Variants in KCNQ1OT1 observed in about 807,000 individuals in gnomAD.
KCNQ1OT1 encodes the protein KCNQ1 antisense RNA 2 (non-protein coding).
chr11:2,663,610 C>A lies in KCNQ1OT1; in HGVS notation n.36385G>T. On this transcript the variant is annotated non_coding_transcript_exon_variant, in exon 1 of 1. Coordinates refer to ENST00000597346, the Ensembl canonical transcript of KCNQ1OT1. This position sits in a 1 kb window ranked among gnomAD's most constrained non-coding sequence, Gnocchi z 5.2. The stretch of plus-strand genomic sequence containing the variant: ...TCTCGCTCACCTTGGTTCTCTTGGT[C>A]ACGGACCAGCATCCAGACATGCAAA... The A allele has an allele frequency of 2.5e-6, 1 of 398,586 alleles. No individual in the cohort carries two copies. The highest frequency in any genetic ancestry group is 1.3e-4 in the South Asian group (1 of 7,734). The allele number at this position is 398,586 out of a possible 1,614,324, so 24.7% of individuals were successfully genotyped here. A position where few individuals can be genotyped will look rare whatever the true frequency, so the allele number is the denominator to read the frequency against.
At position 2,670,870 on chromosome 11, in the gene KCNQ1OT1, C is replaced by CA. The variant is rs1268350192; in HGVS notation, n.29124dup. 1 of 398,520 alleles carries CA rather than the reference C, an allele frequency of 2.5e-6. No individual in the cohort carries two copies. Among genetic ancestry groups the CA allele is most frequent in the East Asian group, 3.6e-5 (1 of 28,080 alleles). The allele number at this position is 398,520 out of a possible 1,614,324, so 24.7% of individuals were successfully genotyped here. A position where few individuals can be genotyped will look rare whatever the true frequency, so the allele number is the denominator to read the frequency against. ...CAAAGGTCCTCACTGGCCAGTGGGC[C>CA]ACTGGGAAGCCTCCTGGATTGCCTG... On this transcript the variant is annotated non_coding_transcript_exon_variant, in exon 1 of 1. Coordinates refer to ENST00000597346, the Ensembl canonical transcript of KCNQ1OT1. This position sits in a 1 kb window ranked among gnomAD's most constrained non-coding sequence, Gnocchi z 4.9.
chr11:2,681,916 G>A (rs748147557), exon 1 of KCNQ1OT1: 6 of 398,474 alleles, frequency 1.5e-5, no homozygotes, highest in African/African-American at 6.2e-5. Flanking sequence ...ATGAACACAC[G>A]TTTAGGCTGA....
In KCNQ1OT1 at chr11:2,620,309, C is replaced by T. The variant is rs1849147823; in HGVS notation, n.79686G>A. 9.8e-6 allele frequency: 2 copies of T among 204,004 alleles called. No homozygotes were observed. The highest frequency in any genetic ancestry group is 5.9e-5 in the Admixed American group (1 of 16,836). 12.6% of individuals were successfully genotyped at this position (204,004 alleles called of 1,614,324 possible). A position where few individuals can be genotyped will look rare whatever the true frequency, so the allele number is the denominator to read the frequency against. ...TCGGCTCACTGCAGCCTCCGCCTAC[C>T]GGGTTCAAGTGATTCTCCTGCCTCA... On this transcript the variant is annotated non_coding_transcript_exon_variant, in exon 1 of 1. Transcript: ENST00000597346. This position sits in a 1 kb window ranked among gnomAD's most constrained non-coding sequence, Gnocchi z 4.5.
chr11:2,694,339 G>A, exon 1 of KCNQ1OT1: 1 of 398,664 alleles, frequency 2.5e-6, no homozygotes, highest in Non-Finnish European at 4.4e-6. Flanking sequence ...TGCCCCCCAG[G>A]GGACATATGG....
rs61870800 is a variant in KCNQ1OT1 at position 2,666,574 on chromosome 11, A to T, written n.33421T>A. On this transcript the variant is annotated non_coding_transcript_exon_variant, in exon 1 of 1. Transcript: ENST00000597346. ...CTGAATTCTGCATTTGTCAGCAAGGACAGGGCCAGTCTGTGCTGTCTGGAA... is the reference window on the plus strand; with the variant it reads ...CTGAATTCTGCATTTGTCAGCAAGGTCAGGGCCAGTCTGTGCTGTCTGGAA... The T allele has an allele frequency of 2.6e-3, 1,040 of 398,662 alleles. 4 individuals are homozygous for T. The highest frequency in any genetic ancestry group is 3.4e-3 in the Admixed American group (78 of 22,740). The allele number at this position is 398,662 out of a possible 1,614,324, so 24.7% of individuals were successfully genotyped here.
Position 2,623,529 on chromosome 11 carries a change from T to G in KCNQ1OT1, n.76466A>C, listed in dbSNP as rs1208854788. On this transcript the variant is annotated non_coding_transcript_exon_variant, in exon 1 of 1. Transcript: ENST00000597346. This position sits in a 1 kb window ranked among gnomAD's most constrained non-coding sequence, Gnocchi z 5.2. ...TGATTGGAATCATACAGTATGTAGT[T>G]TCTTCAGATTGCCTTATTTCACATA... 1 of 397,922 alleles carries G rather than the reference T, an allele frequency of 2.5e-6. No individual in the cohort carries two copies. The highest frequency in any genetic ancestry group is 4.4e-6 in the Non-Finnish European group (1 of 226,056). 24.6% of individuals were successfully genotyped at this position (397,922 alleles called of 1,614,324 possible).
exon 1 of KCNQ1OT1, chr11:2,694,985 G>A (rs192525287): frequency 2.3e-5 from 9 of 398,702 alleles, no homozygotes; most frequent in African/African-American, 1.2e-4. Context: ...GAAGAAGGCT[G>A]GCAGAGCCAA....
rs1387847122 is a variant in KCNQ1OT1, at chr11:2,699,420, GCTGAGGAGAGTCTGGGAGAACCGCA to G, written n.550_574del. 2.2e-4 allele frequency: 89 copies of G among 400,302 alleles called. No homozygotes were observed. The highest frequency in any genetic ancestry group is 1.3e-3 in the Middle Eastern group (2 of 1,582). The allele number at this position is 400,302 out of a possible 1,614,324, so 24.8% of individuals were successfully genotyped here. On this transcript the variant is annotated non_coding_transcript_exon_variant, in exon 1 of 1. Transcript: ENST00000597346. ...CTCCCAGAGAGATGGGGAGGGCCGC[GCTGAGGAGAGTCTGGGAGAACCGCA>G]CTGAGGAGCCGCCGGGAGAGTGCCG...
chr11:2,614,856 G>T (rs1237407150), exon 1 of KCNQ1OT1: 1 of 398,322 alleles, frequency 2.5e-6, no homozygotes, highest in Non-Finnish European at 4.4e-6. Context: ...TTTTCAATAT[G>T]ATTTTAGATT....
exon 1 of KCNQ1OT1, chr11:2,688,964 A>T (rs1850543693): frequency 1.0e-5 from 4 of 398,616 alleles, no homozygotes; most frequent in Non-Finnish European, 1.8e-5. Flanking sequence ...GGGCTCTGAG[A>T]GTAGGGGTCT....
chr11:2,679,551 T>C lies in KCNQ1OT1; in HGVS notation n.20444A>G, dbSNP rs183959634. 5.3e-4 allele frequency: 213 copies of C among 398,680 alleles called. 1 individual carries two copies. The highest frequency in any genetic ancestry group is 3.9e-3 in the African/African-American group (190 of 48,764). The allele number at this position is 398,680 out of a possible 1,614,324, so 24.7% of individuals were successfully genotyped here. On this transcript the variant is annotated non_coding_transcript_exon_variant, in exon 1 of 1. Coordinates refer to ENST00000597346, the Ensembl canonical transcript of KCNQ1OT1. This position sits in a 1 kb window ranked among gnomAD's most constrained non-coding sequence, Gnocchi z 4.8. ...CTCATGATGGCCATTCCATCCATTGTAATCATGTGTACCATGCAATTCACA... is the reference window on the plus strand; with the variant it reads ...CTCATGATGGCCATTCCATCCATTGCAATCATGTGTACCATGCAATTCACA...
chr11:2,677,854 A>G lies in KCNQ1OT1; in HGVS notation n.22141T>C, dbSNP rs1238516628. 1 of 398,532 alleles carries G rather than the reference A, an allele frequency of 2.5e-6. No homozygotes were observed. 24.7% of individuals were successfully genotyped at this position (398,532 alleles called of 1,614,324 possible). On this transcript the variant is annotated non_coding_transcript_exon_variant, in exon 1 of 1. Coordinates refer to ENST00000597346, the Ensembl canonical transcript of KCNQ1OT1. The surrounding 1 kb of genome is among the most constrained non-coding windows in gnomAD (Gnocchi z 4.5). ...GCCAAATAAGGGCTGTACCATTTACATCACTTTGACTGCACAAATGCACTT... is the reference window on the plus strand; with the variant it reads ...GCCAAATAAGGGCTGTACCATTTACGTCACTTTGACTGCACAAATGCACTT...
chr11:2,643,979 G>C (rs936882308), exon 1 of KCNQ1OT1: 5 of 398,404 alleles, frequency 1.3e-5, no homozygotes, highest in Admixed American at 4.4e-5. Context: ...TAGTCTGCAG[G>C]TTGTTCCCTT....
chr11:2,611,760 CTA>C lies in KCNQ1OT1; in HGVS notation n.88233_88234del. The C allele has an allele frequency of 2.5e-6, 1 of 398,406 alleles. No individual in the cohort carries two copies. Among genetic ancestry groups the C allele is most frequent in the Non-Finnish European group, 4.4e-6 (1 of 225,984 alleles). 24.7% of individuals were successfully genotyped at this position (398,406 alleles called of 1,614,324 possible). The stretch of plus-strand genomic sequence containing the variant: ...TATCTACCATGTTGTTATTTATTTT[CTA>C]TATGTCTCATATCACTTTTGTTCCT... On this transcript the variant is annotated non_coding_transcript_exon_variant, in exon 1 of 1. Transcript: ENST00000597346. This position sits in a 1 kb window ranked among gnomAD's most constrained non-coding sequence, Gnocchi z 5.3.
Position 2,698,666 on chromosome 11 carries a change from C to T in KCNQ1OT1, n.1329G>A, listed in dbSNP as rs1354809641. 1.3e-5 allele frequency: 5 copies of T among 398,622 alleles called. No individual in the cohort carries two copies. The highest frequency in any genetic ancestry group is 4.1e-5 in the African/African-American group (2 of 48,566). The allele number at this position is 398,622 out of a possible 1,614,324, so 24.7% of individuals were successfully genotyped here. On this transcript the variant is annotated non_coding_transcript_exon_variant, in exon 1 of 1. Transcript: ENST00000597346. The surrounding 1 kb of genome is among the most constrained non-coding windows in gnomAD (Gnocchi z 5.1). Reference sequence around the variant, plus strand: ...CCAATCCCAATCTCTTAACTCAGAGCCCCCCATTCAGAACCTCTACCCAAA... The same window carrying T: ...CCAATCCCAATCTCTTAACTCAGAGTCCCCCATTCAGAACCTCTACCCAAA...
Position 2,664,730 on chromosome 11 carries a change from G to T in KCNQ1OT1, n.35265C>A. 2.5e-6 allele frequency: 1 copy of T among 398,800 alleles called. No individual in the cohort carries two copies. Among genetic ancestry groups the T allele is most frequent in the Non-Finnish European group, 4.4e-6 (1 of 226,176 alleles). The allele number at this position is 398,800 out of a possible 1,614,324, so 24.7% of individuals were successfully genotyped here. ...AAGAGAGGCACACGCCCTGGTGTGT[G>T]TGAGGGACAGGGATGTGTGCTGGGG... On this transcript the variant is annotated non_coding_transcript_exon_variant, in exon 1 of 1. Coordinates refer to ENST00000597346, the Ensembl canonical transcript of KCNQ1OT1. The surrounding 1 kb of genome is among the most constrained non-coding windows in gnomAD (Gnocchi z 5.1).
At chr11:2,694,564 T>C (rs1413945890) in exon 1 of KCNQ1OT1, 4 of 398,388 alleles carry the variant, frequency 1.0e-5, no homozygotes, top group South Asian at 2.5e-4. Context: ...TCTCACTGAG[T>C]TGTGAAAATG....
At chr11:2,688,559 C>T in exon 1 of KCNQ1OT1, 1 of 398,744 alleles carries the variant, frequency 2.5e-6, no homozygotes, top group Non-Finnish European at 4.4e-6. Flanking sequence ...GGTTCCACAC[C>T]ACAGCCTCAT....
exon 1 of KCNQ1OT1, chr11:2,629,198 G>A: frequency 2.5e-6 from 1 of 398,048 alleles, no homozygotes; most frequent in Non-Finnish European, 4.4e-6. Flanking sequence ...AGCTATTTCG[G>A]CAATATTTAT....
Sources: gnomAD v4.1 joint callset for allele counts on GRCh38, gnomAD v4.1.1 for gene constraint, Gnocchi (gnomAD v3.1) non-coding constraint, MANE v1.5 for transcripts, NCBI Gene and HGNC (gene_info 2026-07-23, HGNC 2026-07-21) for gene names.